FHL5: variants seen among roughly 807,000 people sequenced by gnomAD.
FHL5 encodes the protein four and a half LIM domains 5.
FHL5 carries 33 observed loss-of-function variants against 32.0 expected under a neutral mutation model. The ratio of observed to expected loss-of-function variants is 1.03; its 90% CI spans 0.78 to 1.38. FHL5 has a LOEUF of 1.38. Among genes scored for constraint, FHL5 ranks in the 40% most tolerant of loss-of-function variants. The probability of loss-of-function intolerance (pLI) is 0.00; values close to 1 mark genes in which losing one functional copy is unlikely to be tolerated. For missense variants in FHL5, 336 were observed against 343.9 expected, an observed-to-expected ratio of 0.98 and a Z score of 0.18; for synonymous variants, 114 against 113.6, an observed-to-expected ratio of 1.00 and a Z score of -0.02.
At chr6:96,593,962 A>G (rs1770974980) in intron 1 of FHL5, among the ~76,000 whole-genome samples, 3 of 151,714 alleles carry the variant, frequency 2.0e-5, no homozygotes, top group Non-Finnish European at 4.4e-5. Context: ...AATTATTTCT[A>G]TTATCTTCAT....
chr6:96,583,915 CAA>C (rs1257493754), intron 1 of FHL5, among the ~76,000 whole-genome samples: 6 of 152,162 alleles, frequency 3.9e-5, no homozygotes, highest in African/African-American at 1.4e-4. Flanking sequence ...GTTTTATATT[CAA>C]GTTTTTATCC....
chr6:96,599,567 G>A (rs185185483), intron 1 of FHL5, among the ~76,000 whole-genome samples: 61 of 152,130 alleles, frequency 4.0e-4, no homozygotes, highest in African/African-American at 1.3e-3. Context: ...GTCTATTCAC[G>A]CCATTGAATT....
intron 1 of FHL5, among the ~76,000 whole-genome samples, chr6:96,603,122 A>C (rs763074790): frequency 4.6e-5 from 7 of 152,238 alleles, no homozygotes; most frequent in Non-Finnish European, 1.0e-4. Context: ...AAAAGAATGA[A>C]CTAGAAAATG....
At chr6:96,564,386 AAG>A (rs1481620194) in intron 1 of FHL5, among the ~76,000 whole-genome samples, 2 of 152,184 alleles carry the variant, frequency 1.3e-5, no homozygotes, top group Non-Finnish European at 2.9e-5. Context: ...CTTTAAGGGG[AAG>A]GTAAACTCTA....
intron 1 of FHL5, among the ~76,000 whole-genome samples, chr6:96,603,376 T>A (rs1052638779): frequency 6.6e-6 from 1 of 152,192 alleles, no homozygotes; most frequent in East Asian, 1.9e-4. Context: ...TTATGCATTT[T>A]TTTTTAGCAA....
At chr6:96,609,297 A>G (rs1044471862) in intron 4 of FHL5, among the ~76,000 whole-genome samples, 1 of 152,204 alleles carries the variant, frequency 6.6e-6, no homozygotes, top group African/African-American at 2.4e-5. Flanking sequence ...TACAAAGGTT[A>G]TAGGAACCAC....
At chr6:96,611,711 T>C (rs1261401962) in intron 5 of FHL5, among the ~76,000 whole-genome samples, 2 of 152,208 alleles carry the variant, frequency 1.3e-5, no homozygotes, top group African/African-American at 2.4e-5. Context: ...AAATAAAAGT[T>C]GAGTCTTCAT....
chr6:96,600,660 T>C (rs1178029095), intron 1 of FHL5, among the ~76,000 whole-genome samples: 1 of 152,180 alleles, frequency 6.6e-6, no homozygotes, highest in Non-Finnish European at 1.5e-5. Flanking sequence ...TACCTCTATT[T>C]TTAAGAAACA....
intron 2 of FHL5, 93 bp downstream of exon 2, chr6:96,603,865 C>A: frequency 4.1e-6 from 4 of 971,980 alleles, no homozygotes; most frequent in Non-Finnish European, 6.2e-6. Context: ...ACTTTCAACA[C>A]TATTTCTCTG....
chr6:96,579,279 T>A (rs972105094), intron 1 of FHL5, among the ~76,000 whole-genome samples: 3 of 152,208 alleles, frequency 2.0e-5, no homozygotes, highest in African/African-American at 7.2e-5. Context: ...GTATTTTTAC[T>A]TTTGATGTCA....
chr6:96,615,570 G>C, intron 5 of FHL5, 39 bp from the exon 6 acceptor site: 1 of 1,536,464 alleles, frequency 6.5e-7, no homozygotes, highest in Non-Finnish European at 8.8e-7. Context: ...TCTGTTCCTT[G>C]AAAGGATAGA....
At chr6:96,600,593 G>A (rs531922736) in intron 1 of FHL5, among the ~76,000 whole-genome samples, 238 of 151,800 alleles carry the variant, frequency 1.6e-3, no homozygotes, top group African/African-American at 4.9e-3. Context: ...TATTATAATA[G>A]TTCTCTAAGA....
rs1771204672 is a variant in FHL5 at position 96,603,678 on chromosome 6, T to C, written c.65T>C (p.Leu22Pro). 2 of 1,612,624 alleles carry C rather than the reference T, an allele frequency of 1.2e-6. No individual in the cohort carries two copies. The highest frequency in any genetic ancestry group is 1.7e-5 in the Admixed American group (1 of 59,950). ...TASLLGKKYV[L>P]KDDSPYCVTC... ...TCACTTCTTGGGAAGAAATATGTAC[T>C]AAAGGATGACAGTCCATACTGTGTT... The change falls in exon 2 of 6, where the codon CTA (leucine) becomes CCA (proline). Residue 22 changes from leucine (L) to proline (P), a missense_variant. Physicochemically the swap from Leu to Pro is moderately conservative, Grantham distance 98. Coordinates refer to ENST00000450218, the MANE Select transcript of FHL5 (RefSeq NM_001322466.2).
intron 1 of FHL5, among the ~76,000 whole-genome samples, chr6:96,594,503 G>A (rs574542408): frequency 2.4e-4 from 37 of 151,704 alleles, no homozygotes; most frequent in Middle Eastern, 3.4e-3. Flanking sequence ...GGTTCAAATA[G>A]TATTAAAGAA....
intron 1 of FHL5, among the ~76,000 whole-genome samples, chr6:96,570,230 G>C (rs1016837221): frequency 2.0e-5 from 3 of 151,990 alleles, no homozygotes; most frequent in Non-Finnish European, 4.4e-5. Context: ...AATTTCTGAA[G>C]GATAACTTTG....
rs1770287723 is a variant in FHL5 at position 96,563,356 on chromosome 6, G to A, written c.-13+1G>A. Reference sequence around the variant, plus strand: ...CAGGAAGAAGCGGCTTTAAGACAAAGTGAGTTCTTTCCCCCAAATATTTCC... The same window carrying A: ...CAGGAAGAAGCGGCTTTAAGACAAAATGAGTTCTTTCCCCCAAATATTTCC... On this transcript the variant is annotated splice_donor_variant, in intron 1 of 5. Coordinates refer to ENST00000450218, the MANE Select transcript of FHL5 (RefSeq NM_001322466.2). LOFTEE classifies it low-confidence loss of function (5UTR_SPLICE). 1 of 152,160 alleles carries A rather than the reference G, an allele frequency of 6.6e-6. No individual in the cohort carries two copies. The highest frequency in any genetic ancestry group is 1.5e-5 in the Non-Finnish European group (1 of 68,040). 9.4% of individuals were successfully genotyped at this position (152,160 alleles called of 1,614,324 possible).
At chr6:96,615,535 G>A in intron 5 of FHL5, 74 bp from the exon 6 acceptor site, 3 of 1,251,598 alleles carry the variant, frequency 2.4e-6, no homozygotes, top group South Asian at 3.1e-5. Context: ...CCAGTTCCTA[G>A]AGGAGCATCT....
intron 1 of FHL5, 67 bp from the exon 2 acceptor site, chr6:96,603,535 G>A: frequency 8.8e-7 from 1 of 1,131,992 alleles, no homozygotes; most frequent in Non-Finnish European, 1.3e-6. Flanking sequence ...ATTATATTAA[G>A]GTTTCATCAT....
chr6:96,616,797 T>C lies in FHL5; in HGVS notation c.*1025T>C, dbSNP rs1042454991. Among the ~76,000 whole-genome samples the C allele has an allele frequency of 6.6e-6, 1 of 152,190 alleles. No individual in the cohort carries two copies. ...TTAATGGGCAGACATAAAAGTGGGC[T>C]TTAAAGAAATCTAGTAATAATAAAA... On this transcript the variant is annotated 3_prime_UTR_variant, in exon 6 of 6. Transcript: ENST00000450218.
Sources: gnomAD v4.1 joint callset for allele counts (sites outside exome capture counted in the v4.1 genomes callset) on GRCh38, gnomAD v4.1.1 for gene constraint, MANE v1.5 for transcripts, NCBI Gene and HGNC (gene_info 2026-07-23, HGNC 2026-07-21) for gene names.